DGKD: variants seen among roughly 807,000 people sequenced by gnomAD.
DGKD encodes the protein DAG kinase delta.
DGKD carries 68 observed loss-of-function variants against 154.4 expected under a neutral mutation model. That is an observed-to-expected ratio of 0.44 (90% CI 0.36 to 0.54). DGKD has a LOEUF of 0.54. Among genes scored for constraint, DGKD ranks in the 20% least tolerant of loss-of-function variants. The pLI is 0.00. For synonymous variants in DGKD, 693 were observed against 638.0 expected, an observed-to-expected ratio of 1.09 and a Z score of -1.30; for missense variants, 1,343 against 1,593.6, an observed-to-expected ratio of 0.84 and a Z score of 2.68.
In DGKD at chr2:233,458,462, C is replaced by A; in HGVS notation, c.2694+65C>A. On this transcript the variant is annotated intron_variant, in intron 22 of 29. Transcript: ENST00000264057. This position sits in a 1 kb window ranked among gnomAD's most constrained non-coding sequence, Gnocchi z 6.6. ...GCCCGGAGTGTGCTAAATTCTGGGG[C>A]AGTGCATGGAGCCTGGGAGGGTGGG... 7.6e-7 allele frequency: 1 copy of A among 1,312,014 alleles called. No homozygotes were observed. Among genetic ancestry groups the A allele is most frequent in the Non-Finnish European group, 1.1e-6 (1 of 932,648 alleles). The allele number at this position is 1,312,014 out of a possible 1,614,324, so 81.3% of individuals were successfully genotyped here.
Position 233,396,906 on chromosome 2 carries a change from A to G in DGKD, c.348+6423A>G, listed in dbSNP as rs573395732. Among the ~76,000 whole-genome samples the G allele has an allele frequency of 1.8e-3, 238 of 129,992 alleles. 3 individuals carry two copies. The highest frequency in any genetic ancestry group is 6.6e-3 in the African/African-American group (224 of 34,106). The allele number at this position is 129,992 out of a possible 152,430, so 85.3% of individuals were successfully genotyped here. On this transcript the variant is annotated intron_variant, in intron 3 of 29. Coordinates refer to ENST00000264057, the MANE Select transcript of DGKD (RefSeq NM_152879.3). ...CTGATGGAGGCCAGAGCAAGAGGAC[A>G]CCAGAGGGGACCAGCGTGGCTGGGG...
rs911020728 is a variant in DGKD at position 233,469,515 on chromosome 2, C to T, written c.*55C>T. On this transcript the variant is annotated 3_prime_UTR_variant, in exon 30 of 30. Transcript: ENST00000264057. The stretch of plus-strand genomic sequence containing the variant: ...ATCCCCGCCGCCGAGGCCTAGCCTC[C>T]GCCCTCTCAGCCTGTGGCCTCTGCG... 3.2e-5 allele frequency: 48 copies of T among 1,478,468 alleles called. No individual in the cohort carries two copies. The highest frequency in any genetic ancestry group is 2.3e-4 in the Middle Eastern group (1 of 4,316). 91.6% of individuals were successfully genotyped at this position (1,478,468 alleles called of 1,614,324 possible).
chr2:233,446,625 C>T, intron 11 of DGKD, 87 bp from the exon 12 acceptor site: 2 of 1,372,086 alleles, frequency 1.5e-6, no homozygotes. Flanking sequence ...AAGATCAAGG[C>T]TGCCAGCCGT....
rs1198439009 is a variant in DGKD at position 233,364,009 on chromosome 2, AAG to A, written c.156+9341_156+9342del. On this transcript the variant is annotated intron_variant, in intron 1 of 29. Transcript: ENST00000264057. The stretch of plus-strand genomic sequence containing the variant: ...CCGTTGAAAACCATAGATGAAGAGA[AAG>A]AGAGAAAGGCGGAGGTTGCAGTGAG... Among the ~76,000 whole-genome samples, 6 of 152,332 alleles carry A rather than the reference AAG, an allele frequency of 3.9e-5. No homozygotes were observed. The East Asian group carries it at 9.6e-4, about 24-fold the overall frequency.
chr2:233,387,734 G>A (rs898189853), intron 1 of DGKD, among the ~76,000 whole-genome samples: 7 of 152,140 alleles, frequency 4.6e-5, no homozygotes, highest in East Asian at 3.9e-4. Context: ...AGATGCACAC[G>A]CCAGGCCTGT....
intron 3 of DGKD, among the ~76,000 whole-genome samples, chr2:233,396,980 G>GGGGTGC (rs1553626492): frequency 1.2e-5 from 1 of 84,868 alleles, no homozygotes; most frequent in Non-Finnish European, 2.5e-5. Context: ...GCTGGGGGGG[G>GGGGTGC]CAGAGCGAGA....
rs545595388 is a variant in DGKD at position 233,435,041 on chromosome 2, A to T, written c.586+140A>T. On this transcript the variant is annotated intron_variant, in intron 5 of 29. Transcript: ENST00000264057. ...AGTCAAGGGCACAGCGATTTCTGTG[A>T]TGCCATTCTTGTTTATTTTACCTGC... 14 of 1,199,254 alleles carry T rather than the reference A, an allele frequency of 1.2e-5. No homozygotes were observed. In the African/African-American group the frequency reaches 1.4e-4, roughly 12 times the overall value. The allele number at this position is 1,199,254 out of a possible 1,614,324, so 74.3% of individuals were successfully genotyped here. A position where few individuals can be genotyped will look rare whatever the true frequency, so the allele number is the denominator to read the frequency against.
chr2:233,422,572 C>T (rs1043111156), intron 3 of DGKD, among the ~76,000 whole-genome samples: 1 of 152,074 alleles, frequency 6.6e-6, no homozygotes, highest in African/African-American at 2.4e-5. Flanking sequence ...ATTTTCTTGG[C>T]GTCAGATGTT....
In DGKD at chr2:233,452,099, A is replaced by G. The variant is rs186916045; in HGVS notation, c.2264+39A>G. ...ATAAACCGAGTGGGCATATTGTTAC[A>G]TGGCTGCTAGTGCATAGAAAACAGA... On this transcript the variant is annotated intron_variant, in intron 18 of 29. Transcript: ENST00000264057. The surrounding 1 kb of genome is among the most constrained non-coding windows in gnomAD (Gnocchi z 4.0). 4.8e-5 allele frequency: 75 copies of G among 1,561,916 alleles called. No homozygotes were observed. In the Admixed American group the frequency reaches 9.0e-4, roughly 19 times the overall value.
At chr2:233,437,569 TC>T (rs2062742383) in intron 8 of DGKD, 90 bp downstream of exon 8, 1 of 1,309,864 alleles carries the variant, frequency 7.6e-7, no homozygotes, top group African/African-American at 1.5e-5. Context: ...GAGTTGGTTA[TC>T]TTGGTGAGAT....
chr2:233,454,462 A>G lies in DGKD; in HGVS notation c.2265-301A>G, dbSNP rs1011208443. 8 of 486,424 alleles carry G rather than the reference A, an allele frequency of 1.6e-5. No homozygotes were observed. In the East Asian group the frequency reaches 5.0e-4, roughly 31 times the overall value. The allele number at this position is 486,424 out of a possible 1,614,324, so 30.1% of individuals were successfully genotyped here. A position where few individuals can be genotyped will look rare whatever the true frequency, so the allele number is the denominator to read the frequency against. ...GGAAAGTAGACGAGAGGCGCCAGGG[A>G]TGGTGAGGATGGAGAGTTAGTTGCT... On this transcript the variant is annotated intron_variant, in intron 18 of 29. Transcript: ENST00000264057.
In DGKD at chr2:233,434,435, A is replaced by G; in HGVS notation, c.404A>G (p.Glu135Gly). The stretch of plus-strand genomic sequence containing the variant: ...TGTGCTGATAACAGAAAAGAAATGG[A>G]AGATTGGATTGCAGCATTAAAGACT... ...ILCADNRKEMEDWIAALKTVQ... is the reference protein window; with the variant it reads ...ILCADNRKEMGDWIAALKTVQ... Residue 135 changes from glutamate to glycine, a missense_variant, in exon 4 of 30, where the codon GAA (glutamate) becomes GGA (glycine). By Grantham distance (98) the Glu-to-Gly change is moderately conservative. This residue lies in a region of DGKD where 332 missense variants were observed against 400.1 expected (regional missense o/e 0.83). Transcript: ENST00000264057. The G allele has an allele frequency of 1.2e-6, 2 of 1,614,176 alleles. No homozygotes were observed. Among genetic ancestry groups the G allele is most frequent in the Non-Finnish European group, 1.7e-6 (2 of 1,180,020 alleles).
In DGKD at chr2:233,434,873, G is replaced by T; in HGVS notation, c.558G>T (p.Gly186=). 1 of 1,614,058 alleles carries T rather than the reference G, an allele frequency of 6.2e-7. No homozygotes were observed. The highest frequency in any genetic ancestry group is 8.5e-7 in the Non-Finnish European group (1 of 1,180,014). The change falls in exon 5 of 30, where the codon GGG becomes GGT. Residue 186 remains glycine, a synonymous_variant. Transcript: ENST00000264057. ...YCNVCREALS[G]VTSHGLSCEV... Reference sequence around the variant, plus strand: ...ATGTGTGCCGTGAGGCTCTGTCTGGGGTCACGTCGCACGGGCTGTCCTGCG... The same window carrying T: ...ATGTGTGCCGTGAGGCTCTGTCTGGTGTCACGTCGCACGGGCTGTCCTGCG...
At position 233,460,282 on chromosome 2, in the gene DGKD, T is replaced by C. The variant is rs1301518548; in HGVS notation, c.2918T>C (p.Leu973Pro). The change falls in exon 24 of 30, where the codon CTG (leucine) becomes CCG (proline). Residue 973 changes from leucine to proline, a missense_variant. Physicochemically the swap from Leu to Pro is moderately conservative, Grantham distance 98 (BLOSUM62 -3). This residue lies in a region of DGKD where 429 missense variants were observed against 496.3 expected (regional missense o/e 0.86). Coordinates refer to ENST00000264057, the MANE Select transcript of DGKD (RefSeq NM_152879.3). ...TCCTGTTCCCTGCACCCGGAGATGC[T>C]GTCCGAGGAGGAGGCCACCCAGATG... is the stretch of plus-strand genomic sequence containing the variant. ...PPSCSLHPEM[L>P]SEEEATQMDQ... 4 of 1,613,902 alleles carry C rather than the reference T, an allele frequency of 2.5e-6. No individual in the cohort carries two copies. Among genetic ancestry groups the C allele is most frequent in the African/African-American group, 1.3e-5 (1 of 74,902 alleles).
At chr2:233,456,700 A>G (rs2063472070) in intron 19 of DGKD, among the ~76,000 whole-genome samples, 199 bp from the exon 20 acceptor site, 1 of 152,194 alleles carries the variant, frequency 6.6e-6, no homozygotes, top group East Asian at 1.9e-4. Context: ...TATTGAGCAA[A>G]ATTTCCTATT....
intron 3 of DGKD, among the ~76,000 whole-genome samples, chr2:233,399,941 C>CGG (rs1553627356): frequency 1.3e-5 from 2 of 152,108 alleles, no homozygotes; most frequent in Non-Finnish European, 2.9e-5. Flanking sequence ...TTGGGTGACT[C>CGG]TGAGAATTAA....
intron 3 of DGKD, among the ~76,000 whole-genome samples, chr2:233,392,659 A>C (rs1002065875): frequency 2.6e-5 from 4 of 152,206 alleles, no homozygotes; most frequent in African/African-American, 9.6e-5. Context: ...TTGTTTCTTA[A>C]GTTCGAGAGA....
In DGKD at chr2:233,441,617, C is replaced by T. The variant is rs1352598208; in HGVS notation, c.1086-270C>T. Among the ~76,000 whole-genome samples, 1 of 152,194 alleles carries T rather than the reference C, an allele frequency of 6.6e-6. No homozygotes were observed. Among genetic ancestry groups the T allele is most frequent in the Non-Finnish European group, 1.5e-5 (1 of 68,026 alleles). ...TTGCCTGTGATGTCTGCAGAGCGTG[C>T]AGTGGCTCACCAAGCTGAGTGGTCT... On this transcript the variant is annotated intron_variant, in intron 9 of 29. Transcript: ENST00000264057. The surrounding 1 kb of genome is among the most constrained non-coding windows in gnomAD (Gnocchi z 5.6).
intron 18 of DGKD, among the ~76,000 whole-genome samples, chr2:233,454,013 C>T (rs1216098783): frequency 2.0e-5 from 3 of 152,212 alleles, no homozygotes; most frequent in Non-Finnish European, 4.4e-5. Context: ...GTGCCATAAA[C>T]ATATCTTCAG....
Sources: allele counts gnomAD v4.1 joint callset (sites outside exome capture counted in the v4.1 genomes callset), GRCh38; gene constraint gnomAD v4.1.1; regional missense constraint gnomAD v4.1.1; non-coding constraint Gnocchi (gnomAD v3.1); transcripts MANE v1.5; gene names NCBI Gene and HGNC (gene_info 2026-07-23, HGNC 2026-07-21).